Variants in GMDS observed in about 807,000 individuals in gnomAD.
GMDS encodes GDP-mannose 4,6 dehydratase.
GMDS carries 20 observed loss-of-function variants against 49.9 expected under a neutral mutation model. The ratio of observed to expected loss-of-function variants is 0.40; its 90% CI spans 0.28 to 0.58. The LOEUF (loss-of-function observed/expected upper bound fraction) is 0.58, where lower values mean the gene tolerates loss of function less well. Among genes scored for constraint, GMDS ranks in the 20% least tolerant of loss-of-function variants. GMDS has a pLI of 0.42. For missense variants in GMDS, 362 were observed against 481.4 expected, an observed-to-expected ratio of 0.75 and a Z score of 2.32; for synonymous variants, 177 against 178.6, an observed-to-expected ratio of 0.99 and a Z score of 0.07.
intron 7 of GMDS, among the ~76,000 whole-genome samples, chr6:1,904,651 G>GTT (rs1760667240): frequency 4.6e-5 from 7 of 152,188 alleles, no homozygotes; most frequent in African/African-American, 1.7e-4. Context: ...ACAGTGACTC[G>GTT]CCGGCTCCCA....
At chr6:2,209,446 T>C (rs234914) in intron 1 of GMDS, among the ~76,000 whole-genome samples, 78,456 of 152,046 alleles carry the variant, frequency 0.52, 21,482 homozygotes, top group East Asian at 0.81. Context: ...TCCCGCACAA[T>C]AGGCAGGTGT....
intron 1 of GMDS, among the ~76,000 whole-genome samples, chr6:2,238,155 G>C (rs1781452442): frequency 6.6e-6 from 1 of 150,766 alleles, no homozygotes; most frequent in Non-Finnish European, 1.5e-5. Context: ...GGGAGGCCAA[G>C]ACCAGAGGAT....
chr6:2,079,637 TC>T (rs1772556542), intron 4 of GMDS, among the ~76,000 whole-genome samples: 1 of 152,184 alleles, frequency 6.6e-6, no homozygotes, highest in African/African-American at 2.4e-5. Context: ...TATCATTCTT[TC>T]CTGGCTTGTA....
At chr6:2,111,017 C>A (rs558689956) in intron 4 of GMDS, among the ~76,000 whole-genome samples, 19 of 152,218 alleles carry the variant, frequency 1.2e-4, no homozygotes, top group African/African-American at 4.3e-4. Context: ...CATTGTGAGG[C>A]AAAGGAAAGA....
At chr6:1,788,227 C>T (rs1769396724) in intron 7 of GMDS, among the ~76,000 whole-genome samples, 1 of 152,078 alleles carries the variant, frequency 6.6e-6, no homozygotes. Context: ...AGAGTTCAGA[C>T]CAGGGAGGTG....
intron 9 of GMDS, among the ~76,000 whole-genome samples, chr6:1,677,590 T>C (rs1422395468): frequency 6.6e-6 from 1 of 151,932 alleles, no homozygotes; most frequent in Non-Finnish European, 1.5e-5. Context: ...ATGTGGCACA[T>C]ATACATCATG....
intron 4 of GMDS, among the ~76,000 whole-genome samples, chr6:1,983,084 A>C (rs1430769638): frequency 6.6e-6 from 1 of 152,188 alleles, no homozygotes; most frequent in Non-Finnish European, 1.5e-5. Context: ...GCACACCCAC[A>C]ACCAACTGAT....
chr6:1,958,293 A>T (rs531591937), intron 6 of GMDS, among the ~76,000 whole-genome samples: 12 of 148,224 alleles, frequency 8.1e-5, no homozygotes, highest in Middle Eastern at 3.4e-3. Context: ...ATTAACTTTT[A>T]TTTTTTTTTT....
At chr6:2,132,912 A>G (rs1775816600) in intron 1 of GMDS, among the ~76,000 whole-genome samples, 1 of 152,150 alleles carries the variant, frequency 6.6e-6, no homozygotes, top group Non-Finnish European at 1.5e-5. Context: ...TTAATAATAA[A>G]TTAACAGTGA....
At chr6:2,093,963 A>G (rs913066034) in intron 4 of GMDS, among the ~76,000 whole-genome samples, 1 of 152,236 alleles carries the variant, frequency 6.6e-6, no homozygotes, top group African/African-American at 2.4e-5. Flanking sequence ...CAATCCTGTG[A>G]TAATTTCCCA....
At chr6:2,179,496 CAGAG>C (rs1778425870) in intron 1 of GMDS, among the ~76,000 whole-genome samples, 1 of 152,104 alleles carries the variant, frequency 6.6e-6, no homozygotes, top group Non-Finnish European at 1.5e-5. Context: ...AAAGAGGCTT[CAGAG>C]AGAGTCATTC....
rs1272756970 is a variant in GMDS, at chr6:2,066,148, A to C, written c.345+49623T>G. Among the ~76,000 whole-genome samples, 3 of 151,996 alleles carry C rather than the reference A, an allele frequency of 2.0e-5. No individual in the cohort carries two copies. The East Asian group carries it at 5.8e-4, about 29-fold the overall frequency. On this transcript the variant is annotated intron_variant, in intron 4 of 10. Transcript: ENST00000380815. ...TTAAAGAAAAGAATTTTCAACCCAGAATTTCATATCCAGCCAAACTAAGCT... is the reference window on the plus strand; with the variant it reads ...TTAAAGAAAAGAATTTTCAACCCAGCATTTCATATCCAGCCAAACTAAGCT...
rs557345551 is a variant in GMDS at position 2,124,784 on chromosome 6, G to A, written c.103-53C>T. The A allele has an allele frequency of 3.1e-5, 43 of 1,390,942 alleles. No homozygotes were observed. The South Asian group carries it at 4.8e-4, about 16-fold the overall frequency. 86.2% of individuals were successfully genotyped at this position (1,390,942 alleles called of 1,614,324 possible). A position where few individuals can be genotyped will look rare whatever the true frequency, so the allele number is the denominator to read the frequency against. On this transcript the variant is annotated intron_variant, in intron 1 of 10. Coordinates refer to ENST00000380815, the MANE Select transcript of GMDS (RefSeq NM_001500.4). ...GTCAGTCTCATAGTGGTATAGAAAG[G>A]TGGTCTAGATGAAGAGTTTTGAGAA...
intron 9 of GMDS, among the ~76,000 whole-genome samples, chr6:1,718,274 T>A (rs1055712148): frequency 7.9e-5 from 12 of 152,072 alleles, no homozygotes; most frequent in African/African-American, 2.9e-4. Context: ...ACTGCCTCCC[T>A]CATTTTGCAG....
chr6:1,692,075 G>T (rs116339289), intron 9 of GMDS, among the ~76,000 whole-genome samples: 92 of 152,326 alleles, frequency 6.0e-4, no homozygotes, highest in Middle Eastern at 3.4e-3. Context: ...GGGCAGACTT[G>T]CTGAGCCTTC....
intron 7 of GMDS, among the ~76,000 whole-genome samples, chr6:1,864,929 T>G (rs1201560764): frequency 6.6e-6 from 1 of 152,216 alleles, no homozygotes; most frequent in African/African-American, 2.4e-5. Context: ...GTTTTGAACA[T>G]TGTTTCCTTT....
intron 9 of GMDS, among the ~76,000 whole-genome samples, chr6:1,705,723 G>C (rs975325960): frequency 6.6e-6 from 1 of 152,178 alleles, no homozygotes; most frequent in Non-Finnish European, 1.5e-5. Context: ...AGAACGTCTA[G>C]CTCACTCCTG....
intron 4 of GMDS, among the ~76,000 whole-genome samples, chr6:2,113,275 G>A (rs1774652342): frequency 6.6e-6 from 1 of 151,970 alleles, no homozygotes; most frequent in African/African-American, 2.4e-5. Flanking sequence ...CTGGCATCCT[G>A]TTTCATTCCT....
intron 6 of GMDS, among the ~76,000 whole-genome samples, chr6:1,947,152 C>G (rs1053571716): frequency 7.2e-5 from 11 of 152,124 alleles, no homozygotes; most frequent in African/African-American, 2.4e-4. Context: ...CCTGTGCTTG[C>G]AGATTTATGA....
Sources: allele counts gnomAD v4.1 joint callset (sites outside exome capture counted in the v4.1 genomes callset), GRCh38; gene constraint gnomAD v4.1.1; transcripts MANE v1.5; gene names NCBI Gene and HGNC (gene_info 2026-07-23, HGNC 2026-07-21).